The following SUPT20H variants were observed in gnomAD, a reference collection of about 807,000 sequenced individuals.
SUPT20H encodes transcription factor SPT20 homolog.
Under a neutral mutation model 122.8 loss-of-function variants are expected in SUPT20H, and 82 were observed. The ratio of observed to expected loss-of-function variants is 0.67; its 90% confidence interval spans 0.56 to 0.80. The LOEUF (loss-of-function observed/expected upper bound fraction) is 0.80. SUPT20H is among the 30% of genes least tolerant of loss of function. SUPT20H has a pLI of 0.00. For synonymous variants in SUPT20H, 291 were observed against 313.0 expected (o/e 0.93, Z 0.74); for missense variants, 831 against 921.6 (o/e 0.90, Z 1.27).
At position 37,033,570 on chromosome 13, in the gene SUPT20H, C is replaced by T; in HGVS notation, c.586G>A (p.Glu196Lys). The change falls in exon 10 of 26, where the codon GAG (glutamate) becomes AAG (lysine). Residue 196 changes from glutamate (E) to lysine (K), a missense_variant. Transcript: ENST00000350612. ...KWTQEDKLLL[E>K]SQLILATAEP... Reference sequence around the variant, plus strand: ...GCTGTAGCTAGGATGAGCTGGCTCTCAAGCAAAAGTTTGTCTTCCTGAAAT... The same window carrying T: ...GCTGTAGCTAGGATGAGCTGGCTCTTAAGCAAAAGTTTGTCTTCCTGAAAT... 6.2e-7 allele frequency: 1 copy of T among 1,613,062 alleles called. No individual in the cohort carries two copies.
intron 2 of SUPT20H, 105 bp from the exon 3 acceptor site, chr13:37,048,704 TTCC>T: frequency 1.0e-6 from 1 of 983,944 alleles, no homozygotes. Context: ...CTAATATATT[TTCC>T]TTTATTTGTC....
Position 37,033,563 on chromosome 13 carries a change from T to G in SUPT20H, c.593A>C (p.Gln198Pro), listed in dbSNP as rs2063788893. Residue 198 changes from glutamine to proline, a missense_variant, in exon 10 of 26, where the codon CAG becomes CCG. Physicochemically the swap from Gln to Pro is moderately conservative, Grantham distance 76. Transcript: ENST00000350612. ...TGGTTCAGCTGTAGCTAGGATGAGC[T>G]GGCTCTCAAGCAAAAGTTTGTCTTC... ...TQEDKLLLES[Q>P]LILATAEPLC... is the part of the protein sequence containing the mutation. The G allele has an allele frequency of 1.9e-6, 3 of 1,613,332 alleles. No individual in the cohort carries two copies. Among genetic ancestry groups the G allele is most frequent in the Non-Finnish European group, 2.5e-6 (3 of 1,179,684 alleles).
chr13:37,029,956 G>A (rs2063010882), intron 12 of SUPT20H, 120 bp from the exon 13 acceptor site: 7 of 682,006 alleles, frequency 1.0e-5, no homozygotes, highest in South Asian at 2.6e-5. Context: ...ACTTGTTAGC[G>A]CAAGAATTCT....
chr13:37,031,546 G>C (rs769805303), intron 12 of SUPT20H, 21 bp downstream of exon 12: 6 of 1,478,488 alleles, frequency 4.1e-6, no homozygotes, highest in Non-Finnish European at 2.7e-6. Flanking sequence ...ATGAAAAAAA[G>C]TAATTCATGA....
At chr13:37,030,391 G>A (rs2063087269) in intron 12 of SUPT20H, among the ~76,000 whole-genome samples, 1 of 152,106 alleles carries the variant, frequency 6.6e-6, no homozygotes, top group Admixed American at 6.5e-5. Context: ...AGGCAACCAC[G>A]ATCTTAAGAG....
Position 37,017,229 on chromosome 13 carries a change from G to C in SUPT20H, c.1992+16C>G. 1 of 1,613,976 alleles carries C rather than the reference G, an allele frequency of 6.2e-7. No homozygotes were observed. Among genetic ancestry groups the C allele is most frequent in the East Asian group, 2.2e-5 (1 of 44,852 alleles). On this transcript the variant is annotated intron_variant, in intron 23 of 25. Transcript: ENST00000350612. ...AATTCGATGTAAAAGCATATGGAAGGCTAGAAAATCCATACCTGCTCCCCT... is the reference window on the plus strand; with the variant it reads ...AATTCGATGTAAAAGCATATGGAAGCCTAGAAAATCCATACCTGCTCCCCT...
Position 37,022,211 on chromosome 13 carries a change from A to C in SUPT20H, c.1592-131T>G. On this transcript the variant is annotated intron_variant, in intron 19 of 25. Transcript: ENST00000350612. This position sits in a 1 kb window ranked among gnomAD's most constrained non-coding sequence, Gnocchi z 4.5. ...GAGGGGTGAAGCCTGAATCTTGGGG[A>C]GTAGGGGTGGCTGAAGGGGTACTAG... 1 of 1,591,222 alleles carries C rather than the reference A, an allele frequency of 6.3e-7. No homozygotes were observed. The highest frequency in any genetic ancestry group is 8.6e-7 in the Non-Finnish European group (1 of 1,167,880).
chr13:37,018,637 G>A (rs948007540), intron 22 of SUPT20H, among the ~76,000 whole-genome samples: 65 of 152,014 alleles, frequency 4.3e-4, no homozygotes, highest in African/African-American at 1.4e-3. Context: ...AGCATAACAC[G>A]AGGAATGTTG....
intron 7 of SUPT20H, among the ~76,000 whole-genome samples, chr13:37,043,092 C>G (rs2065787647): frequency 6.7e-6 from 1 of 148,736 alleles, no homozygotes; most frequent in African/African-American, 2.6e-5. Context: ...TGCTTGCATT[C>G]TGCATTTAAT....
At chr13:37,055,328 G>GA (rs71084463) in intron 1 of SUPT20H, among the ~76,000 whole-genome samples, 126,528 of 151,384 alleles carry the variant, frequency 0.84, 53,953 homozygotes, top group East Asian at 1. Context: ...TAAGCCAAAA[G>GA]ACAAAGCTGG....
At chr13:37,028,814 C>T (rs778713668) in intron 13 of SUPT20H, among the ~76,000 whole-genome samples, 17 of 151,540 alleles carry the variant, frequency 1.1e-4, no homozygotes, top group Non-Finnish European at 2.4e-4. Flanking sequence ...CTCATGCTGC[C>T]GTGCCTGTTT....
At chr13:37,010,119 A>AAAC (rs1412351293) in intron 25 of SUPT20H, among the ~76,000 whole-genome samples, 2 of 152,232 alleles carry the variant, frequency 1.3e-5, no homozygotes, top group African/African-American at 4.8e-5. Context: ...TAGCAATATA[A>AAAC]AACAACCCTG....
Position 37,040,407 on chromosome 13 carries a change from G to C in SUPT20H, c.565C>G (p.Gln189Glu). 1 of 1,563,906 alleles carries C rather than the reference G, an allele frequency of 6.4e-7. No homozygotes were observed. The highest frequency in any genetic ancestry group is 8.6e-7 in the Non-Finnish European group (1 of 1,163,898). The change falls in exon 9 of 26, where the codon CAG (glutamine) becomes GAG (glutamate). Residue 189 changes from glutamine to glutamate, a missense_variant and splice_region_variant. Gln to Glu is a conservative substitution (Grantham distance 29). Coordinates refer to ENST00000350612, the MANE Select transcript of SUPT20H (RefSeq NM_001014286.3). ...SITSDNHKWT[Q>E]EDKLLLESQL... is the part of the protein sequence containing the mutation. ...GATTAAAAAACAAAACAACTAACCTGGGTCCATTTGTGGTTATCACTTGTT... is the reference window on the plus strand; with the variant it reads ...GATTAAAAAACAAAACAACTAACCTCGGTCCATTTGTGGTTATCACTTGTT...
chr13:37,022,977 C>CA lies in SUPT20H; in HGVS notation c.1592-898dup, dbSNP rs935565739. 58 of 1,255,374 alleles carry CA rather than the reference C, an allele frequency of 4.6e-5. No homozygotes were observed. The highest frequency in any genetic ancestry group is 5.7e-5 in the Non-Finnish European group (56 of 974,726). 77.8% of individuals were successfully genotyped at this position (1,255,374 alleles called of 1,614,324 possible). ...TTATCAATTTTTTAAAAAACAAAAA[C>CA]AAAAAACAAAAACCAAAAAAGTAAA... On this transcript the variant is annotated intron_variant, in intron 19 of 25. Coordinates refer to ENST00000350612, the MANE Select transcript of SUPT20H (RefSeq NM_001014286.3). The surrounding 1 kb of genome is among the most constrained non-coding windows in gnomAD (Gnocchi z 4.5).
At chr13:37,013,103 T>C (rs992498597) in intron 23 of SUPT20H, 5 of 152,074 alleles carry the variant, frequency 3.3e-5, no homozygotes, top group Non-Finnish European at 5.9e-5. Context: ...TTTGTAGATA[T>C]AGACAAGATG....
At position 37,045,134 on chromosome 13, in the gene SUPT20H, T is replaced by G. The variant is rs1220620287; in HGVS notation, c.292+113A>C. On this transcript the variant is annotated intron_variant, in intron 6 of 25. Coordinates refer to ENST00000350612, the MANE Select transcript of SUPT20H (RefSeq NM_001014286.3). ...ATCAAAATCTGTTTTTATCACTAGGTCATCACTATCTGAAGGACAAATGCT... is the reference window on the plus strand; with the variant it reads ...ATCAAAATCTGTTTTTATCACTAGGGCATCACTATCTGAAGGACAAATGCT... The G allele has an allele frequency of 7.3e-6, 10 of 1,376,424 alleles. No individual in the cohort carries two copies. The Middle Eastern group carries it at 5.5e-4, about 76-fold the overall frequency. The allele number at this position is 1,376,424 out of a possible 1,614,324, so 85.3% of individuals were successfully genotyped here.
chr13:37,037,838 G>A lies in SUPT20H; in HGVS notation c.567+2567C>T, dbSNP rs144447257. Among the ~76,000 whole-genome samples, 175 of 152,082 alleles carry A rather than the reference G, an allele frequency of 1.2e-3. 1 individual carries two copies. Among genetic ancestry groups the A allele is most frequent in the African/African-American group, 4.0e-3 (167 of 41,450 alleles). On this transcript the variant is annotated intron_variant, in intron 9 of 25. Transcript: ENST00000350612. ...CCTCTGAAATATCTTGATAACTAAG[G>A]CTATTTTTTTTAAAAAAGTGAATCA...
chr13:37,024,329 A>G lies in SUPT20H; in HGVS notation c.1432+11T>C. The stretch of plus-strand genomic sequence containing the variant: ...TTATTCTAGACTGCAAAAAACTAAG[A>G]AATGTAATACCTGAGGAACTATTTC... On this transcript the variant is annotated intron_variant, in intron 18 of 25. Transcript: ENST00000350612. 1 of 1,558,930 alleles carries G rather than the reference A, an allele frequency of 6.4e-7. No individual in the cohort carries two copies. The highest frequency in any genetic ancestry group is 8.6e-7 in the Non-Finnish European group (1 of 1,158,382).
chr13:37,018,323 A>G (rs2060886502), intron 22 of SUPT20H, among the ~76,000 whole-genome samples: 1 of 152,232 alleles, frequency 6.6e-6, no homozygotes, highest in East Asian at 1.9e-4. Context: ...TTCAAAAGCA[A>G]TATGCCGGAA....
Sources: allele counts gnomAD v4.1 joint callset (sites outside exome capture counted in the v4.1 genomes callset), GRCh38; gene constraint gnomAD v4.1.1; non-coding constraint Gnocchi (gnomAD v3.1); transcripts MANE v1.5; gene names NCBI Gene and HGNC (gene_info 2026-07-23, HGNC 2026-07-21).